The following TMPRSS13 variants were observed in gnomAD, a reference collection of about 807,000 sequenced individuals.
TMPRSS13 encodes transmembrane protease serine 13.
A neutral mutation model predicts 68.4 loss-of-function variants in TMPRSS13; 50 were observed. The observed-to-expected ratio is 0.73, with a 90% CI of 0.58 to 0.93. TMPRSS13 has a LOEUF of 0.93. Among genes scored for constraint, TMPRSS13 ranks in the 40% least tolerant of loss-of-function variants. The pLI is 0.00. For synonymous variants in TMPRSS13, 267 were observed against 285.8 expected (o/e 0.93, Z 0.66); for missense variants, 615 against 729.2 (o/e 0.84, Z 1.80).
Position 117,901,432 on chromosome 11 carries a change from A to G in TMPRSS13, c.*807T>C, listed in dbSNP as rs544999901. 6.5e-6 allele frequency: 1 copy of G among 152,712 alleles called. No individual in the cohort carries two copies. Among genetic ancestry groups the G allele is most frequent in the East Asian group, 1.9e-4 (1 of 5,186 alleles). The allele number at this position is 152,712 out of a possible 1,614,324, so 9.5% of individuals were successfully genotyped here. A position where few individuals can be genotyped will look rare whatever the true frequency, so the allele number is the denominator to read the frequency against. On this transcript the variant is annotated 3_prime_UTR_variant, in exon 13 of 13. Transcript: ENST00000524993. Reference sequence around the variant, plus strand: ...TCCAGTCTCTTCATCCAGTTCCTTGAGGCCAGAAATATTCTGTAGGACTCT... The same window carrying G: ...TCCAGTCTCTTCATCCAGTTCCTTGGGGCCAGAAATATTCTGTAGGACTCT...
At chr11:117,910,001 T>C (rs761241871) in intron 7 of TMPRSS13, 33 bp from the exon 8 acceptor site, 245 of 1,601,934 alleles carry the variant, frequency 1.5e-4, no homozygotes, top group Non-Finnish European at 2.0e-4. Context: ...CTGTGAACCC[T>C]GTTTCTCCCA....
chr11:117,905,600 T>C (rs370360892), intron 10 of TMPRSS13, 38 bp downstream of exon 10: 195 of 1,526,404 alleles, frequency 1.3e-4, no homozygotes, highest in Non-Finnish European at 6.8e-5. Context: ...CACATGCACA[T>C]GAATACATAC....
chr11:117,918,308 C>T (rs142660888), intron 2 of TMPRSS13, 101 bp downstream of exon 2: 19 of 1,310,816 alleles, frequency 1.4e-5, no homozygotes, highest in African/African-American at 2.9e-5. Flanking sequence ...TTCCCCGCAT[C>T]GTTGTCTGCT....
At chr11:117,916,206 G>A (rs2057576875) in intron 3 of TMPRSS13, among the ~76,000 whole-genome samples, 1 of 152,190 alleles carries the variant, frequency 6.6e-6, no homozygotes, top group Admixed American at 6.5e-5. Context: ...GCCCAGCCTT[G>A]CTGAACCAAA....
chr11:117,904,323 C>T (rs567951514), intron 10 of TMPRSS13, among the ~76,000 whole-genome samples: 9 of 152,140 alleles, frequency 5.9e-5, no homozygotes, highest in African/African-American at 1.9e-4. Context: ...GCTCACTGCA[C>T]GTGAGACAGA....
chr11:117,914,064 G>A lies in TMPRSS13; in HGVS notation c.680-158C>T, dbSNP rs952696641. Among the ~76,000 whole-genome samples the A allele has an allele frequency of 1.3e-5, 2 of 152,138 alleles. No individual in the cohort carries two copies. The highest frequency in any genetic ancestry group is 4.8e-5 in the African/African-American group (2 of 41,420). On this transcript the variant is annotated intron_variant, in intron 4 of 12. Coordinates refer to ENST00000524993, the MANE Select transcript of TMPRSS13 (RefSeq NM_001077263.3). This position sits in a 1 kb window ranked among gnomAD's most constrained non-coding sequence, Gnocchi z 4.2. Reference sequence around the variant, plus strand: ...CAGGAACATGGCCTGGGTCATGGGGGTTAACCAGTACTCAGAAGCCCAGGA... The same window carrying A: ...CAGGAACATGGCCTGGGTCATGGGGATTAACCAGTACTCAGAAGCCCAGGA...
In TMPRSS13 at chr11:117,900,937, G is replaced by A. The variant is rs111460207; in HGVS notation, c.*1302C>T. ...GGGAGCAGGACTGGCAGAGGAATAGGTGCCCCAGAAAAAAGGCTGGGGAAG... is the reference window on the plus strand; with the variant it reads ...GGGAGCAGGACTGGCAGAGGAATAGATGCCCCAGAAAAAAGGCTGGGGAAG... On this transcript the variant is annotated 3_prime_UTR_variant, in exon 13 of 13. Transcript: ENST00000524993. 1,338 of 152,426 alleles carry A rather than the reference G, an allele frequency of 8.8e-3. 19 individuals carry two copies. The highest frequency in any genetic ancestry group is 0.014 in the Middle Eastern group (4 of 294). The allele number at this position is 152,426 out of a possible 1,614,324, so 9.4% of individuals were successfully genotyped here.
At chr11:117,919,322 G>A (rs2057619472) in intron 1 of TMPRSS13, among the ~76,000 whole-genome samples, 1 of 152,224 alleles carries the variant, frequency 6.6e-6, no homozygotes, top group Non-Finnish European at 1.5e-5. Flanking sequence ...TTCTTACTAT[G>A]AGCTGTAATC....
chr11:117,908,845 C>A (rs939715936), intron 8 of TMPRSS13, 61 bp from the exon 9 acceptor site: 1 of 1,485,682 alleles, frequency 6.7e-7, no homozygotes, highest in Non-Finnish European at 9.0e-7. Context: ...CTGGCAGCCC[C>A]TGCTACCTAC....
chr11:117,914,673 G>A lies in TMPRSS13; in HGVS notation c.557-159C>T, dbSNP rs780914007. Among the ~76,000 whole-genome samples, 1 of 152,088 alleles carries A rather than the reference G, an allele frequency of 6.6e-6. No individual in the cohort carries two copies. Among genetic ancestry groups the A allele is most frequent in the Non-Finnish European group, 1.5e-5 (1 of 68,030 alleles). Reference sequence around the variant, plus strand: ...CTGTATGGAGAGAAAGGCTGCTCAGGAATGCTCCAGAATGCTCCAGAAAGC... The same window carrying A: ...CTGTATGGAGAGAAAGGCTGCTCAGAAATGCTCCAGAATGCTCCAGAAAGC... On this transcript the variant is annotated intron_variant, in intron 3 of 12. Coordinates refer to ENST00000524993, the MANE Select transcript of TMPRSS13 (RefSeq NM_001077263.3). The surrounding 1 kb of genome is among the most constrained non-coding windows in gnomAD (Gnocchi z 4.2).
rs775351494 is a variant in TMPRSS13, at chr11:117,918,648, G to A, written c.212C>T (p.Pro71Leu). Residue 71 changes from proline to leucine, a missense_variant, in exon 2 of 13, where the codon CCA becomes CTA. Transcript: ENST00000524993. ...PAGTPPGRASPGRASPAQASP... is the reference protein window; with the variant it reads ...PAGTPPGRASLGRASPAQASP... ...TGCCTGGGCTGGAGATGCCCGGCCTGGAGATGCCCGGCCTGGAGGTGTACC... is the reference window on the plus strand; with the variant it reads ...TGCCTGGGCTGGAGATGCCCGGCCTAGAGATGCCCGGCCTGGAGGTGTACC... 1.3e-6 allele frequency: 2 copies of A among 1,593,134 alleles called. No individual in the cohort carries two copies. The highest frequency in any genetic ancestry group is 2.7e-5 in the African/African-American group (2 of 73,858).
chr11:117,918,419 C>T lies in TMPRSS13; in HGVS notation c.441G>A (p.Arg147=), dbSNP rs764405809. ...ARSAPATRAT[R]ESPGTSLPKF... ...CAGCATCCCCCTTACCTGGGCTCTCCCTGGTGGCCCTGGTTGCTGGTGCTG... is the reference window on the plus strand; with the variant it reads ...CAGCATCCCCCTTACCTGGGCTCTCTCTGGTGGCCCTGGTTGCTGGTGCTG... The change falls in exon 2 of 13, where the codon AGG becomes AGA. Residue 147 remains arginine (R), a synonymous_variant. Transcript: ENST00000524993. The T allele has an allele frequency of 5.6e-6, 9 of 1,613,362 alleles. No homozygotes were observed. In the Admixed American group the frequency reaches 8.3e-5, roughly 15 times the overall value.
Position 117,914,326 on chromosome 11 carries a change from T to C in TMPRSS13, c.679+66A>G, listed in dbSNP as rs888563646. ...ACAGGCATGCATACACACACACATA[T>C]ACAAACAGGCACACAAACACATGCA... On this transcript the variant is annotated intron_variant, in intron 4 of 12. Transcript: ENST00000524993. The surrounding 1 kb of genome is among the most constrained non-coding windows in gnomAD (Gnocchi z 4.2). The C allele has an allele frequency of 1.4e-5, 23 of 1,596,704 alleles. No individual in the cohort carries two copies. The highest frequency in any genetic ancestry group is 1.6e-5 in the Non-Finnish European group (19 of 1,173,940).
At chr11:117,912,313 A>AC (rs562068230) in intron 5 of TMPRSS13, among the ~76,000 whole-genome samples, 12 of 152,046 alleles carry the variant, frequency 7.9e-5, no homozygotes, top group South Asian at 4.2e-4. Flanking sequence ...AGCAGCAGCA[A>AC]CCCCCCCAGA....
At chr11:117,918,914 G>C (rs1254710761) in intron 1 of TMPRSS13, 76 bp from the exon 2 acceptor site, 1 of 1,579,066 alleles carries the variant, frequency 6.3e-7, no homozygotes, top group Admixed American at 1.7e-5. Flanking sequence ...TGCTGCACTA[G>C]GAGATGAATG....
intron 1 of TMPRSS13, among the ~76,000 whole-genome samples, chr11:117,921,296 G>A (rs943312421): frequency 1.3e-5 from 2 of 152,160 alleles, no homozygotes; most frequent in Non-Finnish European, 2.9e-5. Flanking sequence ...TATGTGATTT[G>A]ATTCTCACAA....
At position 117,900,677 on chromosome 11, in the gene TMPRSS13, G is replaced by A. The variant is rs1323250685; in HGVS notation, c.*1562C>T. On this transcript the variant is annotated 3_prime_UTR_variant, in exon 13 of 13. Coordinates refer to ENST00000524993, the MANE Select transcript of TMPRSS13 (RefSeq NM_001077263.3). The stretch of plus-strand genomic sequence containing the variant: ...ACAACTTTTATTGCTGAAGACCATC[G>A]CTGGCGGCTGCTGCAGACAGGAATG... The A allele has an allele frequency of 1.3e-5, 2 of 152,196 alleles. No individual in the cohort carries two copies. Among genetic ancestry groups the A allele is most frequent in the African/African-American group, 2.4e-5 (1 of 41,446 alleles). 9.4% of individuals were successfully genotyped at this position (152,196 alleles called of 1,614,324 possible). A position where few individuals can be genotyped will look rare whatever the true frequency, so the allele number is the denominator to read the frequency against.
intron 1 of TMPRSS13, among the ~76,000 whole-genome samples, chr11:117,920,326 G>GTTTT (rs888427286): frequency 1.5e-5 from 1 of 64,770 alleles, no homozygotes. Flanking sequence ...TGATGGAGGG[G>GTTTT]TTTTGTTTGT....
rs2134901585 is a variant in TMPRSS13 at position 117,915,548 on chromosome 11, A to G, written c.557-1034T>C. On this transcript the variant is annotated intron_variant, in intron 3 of 12. Coordinates refer to ENST00000524993, the MANE Select transcript of TMPRSS13 (RefSeq NM_001077263.3). This position sits in a 1 kb window ranked among gnomAD's most constrained non-coding sequence, Gnocchi z 4.9. ...GGGAACCCTGGGCAGTCTCCCCTGG[A>G]GTGCTCATGGAGCCCCACGTGGATG... Among the ~76,000 whole-genome samples the G allele has an allele frequency of 6.6e-6, 1 of 152,272 alleles. No homozygotes were observed. The highest frequency in any genetic ancestry group is 2.1e-4 in the South Asian group (1 of 4,824).
Sources: gnomAD v4.1 joint callset for allele counts (sites outside exome capture counted in the v4.1 genomes callset) on GRCh38, gnomAD v4.1.1 for gene constraint, Gnocchi (gnomAD v3.1) non-coding constraint, MANE v1.5 for transcripts, NCBI Gene and HGNC (gene_info 2026-07-23, HGNC 2026-07-21) for gene names.